Variants in EMILIN2 observed in about 807,000 individuals in gnomAD.
EMILIN2 encodes elastin microfibril interfacer 2.
EMILIN2 carries 71 observed loss-of-function variants against 87.1 expected under a neutral mutation model. The ratio of observed to expected loss-of-function variants is 0.82; its 90% CI spans 0.67 to 0.99. The LOEUF (loss-of-function observed/expected upper bound fraction) is 0.99. Among genes scored for constraint, EMILIN2 ranks in the 50% least tolerant of loss-of-function variants. The pLI is 0.00. For synonymous variants in EMILIN2, 581 were observed against 563.4 expected (o/e 1.03, Z -0.44); for missense variants, 1,407 against 1,371.8 (o/e 1.03, Z -0.40).
rs2076578950 is a variant in EMILIN2, at chr18:2,847,202, G to A, written c.14G>A (p.Arg5Lys). MWQPRRPWPRVPWRW... is the reference protein window; with the variant it reads MWQPKRPWPRVPWRW... ...GCTGCGCGCGGGATGTGGCAGCCCAGACGGCCCTGGCCCCGCGTGCCCTGG... is the reference window on the plus strand; with the variant it reads ...GCTGCGCGCGGGATGTGGCAGCCCAAACGGCCCTGGCCCCGCGTGCCCTGG... Residue 5 changes from arginine (R) to lysine (K), a missense_variant, in exon 1 of 8, where the codon AGA becomes AAA. Arg to Lys is a conservative substitution (Grantham distance 26, BLOSUM62 2). Coordinates refer to ENST00000254528, the MANE Select transcript of EMILIN2 (RefSeq NM_032048.3). The surrounding 1 kb of genome is among the most constrained non-coding windows in gnomAD (Gnocchi z 4.5). 1.7e-6 allele frequency: 2 copies of A among 1,204,502 alleles called. No individual in the cohort carries two copies. The highest frequency in any genetic ancestry group is 2.1e-6 in the Non-Finnish European group (2 of 971,962). 74.6% of individuals were successfully genotyped at this position (1,204,502 alleles called of 1,614,324 possible). A position where few individuals can be genotyped will look rare whatever the true frequency, so the allele number is the denominator to read the frequency against.
intron 2 of EMILIN2, among the ~76,000 whole-genome samples, chr18:2,881,663 G>A (rs894701107): frequency 1.3e-5 from 2 of 152,212 alleles, no homozygotes; most frequent in South Asian, 4.1e-4. Context: ...CTTCATGCAG[G>A]CCTGGGCCGT....
At chr18:2,864,874 C>A (rs2076678715) in intron 2 of EMILIN2, among the ~76,000 whole-genome samples, 1 of 152,174 alleles carries the variant, frequency 6.6e-6, no homozygotes, top group South Asian at 2.1e-4. Context: ...TAGATTTGGT[C>A]TTTTCACATA....
In EMILIN2 at chr18:2,906,910, GC is replaced by G. The variant is rs2076916220; in HGVS notation, c.2493del (p.Glu832ArgfsTer64). 7 of 1,392,992 alleles carry G rather than the reference GC, an allele frequency of 5.0e-6. No individual in the cohort carries two copies. Among genetic ancestry groups the G allele is most frequent in the African/African-American group, 3.0e-5 (2 of 66,848 alleles). The allele number at this position is 1,392,992 out of a possible 1,614,324, so 86.3% of individuals were successfully genotyped here. On this transcript the variant is annotated frameshift_variant, in exon 5 of 8. Coordinates refer to ENST00000254528, the MANE Select transcript of EMILIN2 (RefSeq NM_032048.3). LOFTEE classifies it high-confidence loss of function. ...GGCGACGGCCCGTCCTGCCCCAGCGGCCCCCCGAGGAGAGGCCGCCCCAGCC... is the reference window on the plus strand; with the variant it reads ...GGCGACGGCCCGTCCTGCCCCAGCGGCCCCCGAGGAGAGGCCGCCCCAGCC... Reference protein sequence around the residue: ...PGRRPVLPQRPPEERPPQPPG... With the variant: ...PGRRPVLPQRXPEERPPQPPG...
chr18:2,888,631 C>T (rs566206750), intron 3 of EMILIN2, among the ~76,000 whole-genome samples: 39 of 149,478 alleles, frequency 2.6e-4, no homozygotes, highest in South Asian at 1.3e-3. Flanking sequence ...AGGAGAATGG[C>T]GTGAACCCAA....
chr18:2,899,013 C>T (rs963136633), intron 4 of EMILIN2, among the ~76,000 whole-genome samples: 2 of 152,128 alleles, frequency 1.3e-5, no homozygotes, highest in East Asian at 3.9e-4. Flanking sequence ...TAGCCTTGAA[C>T]TTAGAGCTGC....
In EMILIN2 at chr18:2,885,505, G is replaced by A. The variant is rs117143773; in HGVS notation, c.433+366G>A. ...GGGCCCATACATCTGAATTTAGGGG[G>A]GTTAAAATTGTTTTTTATTTTTTAT... is the stretch of plus-strand genomic sequence containing the variant. On this transcript the variant is annotated intron_variant, in intron 3 of 7. Transcript: ENST00000254528. Among the ~76,000 whole-genome samples the A allele has an allele frequency of 8.6e-3, 1,306 of 152,158 alleles. 18 individuals carry two copies. Among genetic ancestry groups the A allele is most frequent in the Non-Finnish European group, 0.014 (955 of 67,992 alleles).
rs563400269 is a variant in EMILIN2, at chr18:2,865,995, A to G, written c.257+18064A>G. On this transcript the variant is annotated intron_variant, in intron 2 of 7. Coordinates refer to ENST00000254528, the MANE Select transcript of EMILIN2 (RefSeq NM_032048.3). Reference sequence around the variant, plus strand: ...GCAATGAGCGAGGCTTCATGGGTGTAGGACCTTCCGAGCCTGGTGCGGGAT... The same window carrying G: ...GCAATGAGCGAGGCTTCATGGGTGTGGGACCTTCCGAGCCTGGTGCGGGAT... 2.6e-5 allele frequency among the ~76,000 whole-genome samples: 4 copies of G among 152,332 alleles called. No individual in the cohort carries two copies. The East Asian group carries it at 7.7e-4, about 29-fold the overall frequency.
rs1470146698 is a variant in EMILIN2 at position 2,880,748 on chromosome 18, T to C, written c.258-4216T>C. On this transcript the variant is annotated intron_variant, in intron 2 of 7. Transcript: ENST00000254528. This position sits in a 1 kb window ranked among gnomAD's most constrained non-coding sequence, Gnocchi z 4.1. Reference sequence around the variant, plus strand: ...GCTCACAGCCCGGGGCCCCTGGGGATGCTTGGGCCGCCTGTCTCTGTTTCA... The same window carrying C: ...GCTCACAGCCCGGGGCCCCTGGGGACGCTTGGGCCGCCTGTCTCTGTTTCA... 2.0e-5 allele frequency among the ~76,000 whole-genome samples: 3 copies of C among 152,162 alleles called. No homozygotes were observed. The highest frequency in any genetic ancestry group is 4.4e-5 in the Non-Finnish European group (3 of 68,018).
In EMILIN2 at chr18:2,913,344, T is replaced by C. The variant is rs969555339; in HGVS notation, c.3102T>C (p.Phe1034=). Residue 1034 remains phenylalanine (F), a synonymous_variant, in exon 8 of 8, where the codon TTT becomes TTC. Coordinates refer to ENST00000254528, the MANE Select transcript of EMILIN2 (RefSeq NM_032048.3). ...GGGGCAAGCTGGCTCACACAGACTT[T>C]GATGAAATGTACTCCACATTTAGTG... is the stretch of plus-strand genomic sequence containing the variant. The part of the protein sequence containing the change: ...VTGGKLAHTD[F]DEMYSTFSGV... 2.5e-6 allele frequency: 4 copies of C among 1,612,470 alleles called. No homozygotes were observed. The highest frequency in any genetic ancestry group is 2.7e-5 in the African/African-American group (2 of 75,020).
At chr18:2,867,678 G>A (rs2076693706) in intron 2 of EMILIN2, among the ~76,000 whole-genome samples, 1 of 152,234 alleles carries the variant, frequency 6.6e-6, no homozygotes, top group African/African-American at 2.4e-5. Context: ...TAAGGTCACA[G>A]ATCAACAGGA....
chr18:2,889,699 T>C (rs1338781184), intron 3 of EMILIN2, among the ~76,000 whole-genome samples: 16 of 147,066 alleles, frequency 1.1e-4, no homozygotes, highest in African/African-American at 3.7e-4. Flanking sequence ...TTTCTTTTTT[T>C]TTTTTTTTTT....
chr18:2,891,871 C>CT lies in EMILIN2; in HGVS notation c.1748dup (p.Leu583PhefsTer27), dbSNP rs747945255. The CT allele has an allele frequency of 1.5e-5, 24 of 1,614,240 alleles. No individual in the cohort carries two copies. The highest frequency in any genetic ancestry group is 2.0e-5 in the Non-Finnish European group (24 of 1,180,048). Reference sequence around the variant, plus strand: ...CCGCGCAGTACGCGACAGCCTGCACCTTTTGAAATCTCTCAACGACACGAT... The same window carrying CT: ...CCGCGCAGTACGCGACAGCCTGCACCTTTTTGAAATCTCTCAACGACACGAT... On this transcript the variant is annotated frameshift_variant, in exon 4 of 8. Transcript: ENST00000254528. LOFTEE classifies it high-confidence loss of function. The surrounding 1 kb of genome is among the most constrained non-coding windows in gnomAD (Gnocchi z 4.6).
chr18:2,901,221 G>A (rs993988548), intron 4 of EMILIN2, among the ~76,000 whole-genome samples: 1 of 152,196 alleles, frequency 6.6e-6, no homozygotes, highest in African/African-American at 2.4e-5. Context: ...TCTTCTCTGT[G>A]ACAAGACACC....
chr18:2,890,604 C>T lies in EMILIN2; in HGVS notation c.477C>T (p.Ser159=), dbSNP rs1205089570. 1 of 1,597,666 alleles carries T rather than the reference C, an allele frequency of 6.3e-7. No homozygotes were observed. ...SQFSEPRKTL[S]PTGTAQPSWG... ...TCTCAGAGCCCAGGAAGACTTTGTC[C>T]CCAACTGGTACAGCACAACCAAGCT... The change falls in exon 4 of 8, where the codon TCC becomes TCT. Residue 159 remains serine, a synonymous_variant. Coordinates refer to ENST00000254528, the MANE Select transcript of EMILIN2 (RefSeq NM_032048.3). This position sits in a 1 kb window ranked among gnomAD's most constrained non-coding sequence, Gnocchi z 4.7.
chr18:2,871,603 G>A (rs978055609), intron 2 of EMILIN2, among the ~76,000 whole-genome samples: 1 of 152,222 alleles, frequency 6.6e-6, no homozygotes, highest in Admixed American at 6.5e-5. Context: ...TGGAGATTTG[G>A]CACTGAGCGG....
intron 2 of EMILIN2, among the ~76,000 whole-genome samples, chr18:2,859,925 C>T (rs1370511162): frequency 6.6e-6 from 1 of 152,164 alleles, no homozygotes; most frequent in Non-Finnish European, 1.5e-5. Context: ...TTCCATTGGT[C>T]TATGTGCCTA....
upstream of EMILIN2, chr18:2,846,715 C>CT (rs2076575385): frequency 1.0e-5 from 10 of 983,374 alleles, no homozygotes; most frequent in African/African-American, 1.6e-4. This position sits in a 1 kb window ranked among gnomAD's most constrained non-coding sequence, Gnocchi z 5.3. Flanking sequence ...CGGCCGCGTC[C>CT]CGGGGGGCCG....
Position 2,892,060 on chromosome 18 carries a change from A to G in EMILIN2, c.1933A>G (p.Lys645Glu). 1.2e-6 allele frequency: 2 copies of G among 1,614,234 alleles called. No individual in the cohort carries two copies. The highest frequency in any genetic ancestry group is 8.5e-7 in the Non-Finnish European group (1 of 1,180,042). ...AAACGCTGGCATGGGTAGGTTCACT[A>G]AGGTGGGTGAGCAAGAAAGGACAGT... ...GENAGMGRFTKVGEQERTVDT... is the reference protein window; with the variant it reads ...GENAGMGRFTEVGEQERTVDT... Residue 645 changes from lysine (K) to glutamate (E), a missense_variant, in exon 4 of 8, where the codon AAG becomes GAG. Lys to Glu is a moderately conservative substitution (Grantham distance 56). Coordinates refer to ENST00000254528, the MANE Select transcript of EMILIN2 (RefSeq NM_032048.3).
In EMILIN2 at chr18:2,880,322, C is replaced by G. The variant is rs116723039; in HGVS notation, c.258-4642C>G. Among the ~76,000 whole-genome samples the G allele has an allele frequency of 5.9e-5, 9 of 152,118 alleles. No individual in the cohort carries two copies. The highest frequency in any genetic ancestry group is 5.9e-4 in the Admixed American group (9 of 15,280). On this transcript the variant is annotated intron_variant, in intron 2 of 7. Transcript: ENST00000254528. This position sits in a 1 kb window ranked among gnomAD's most constrained non-coding sequence, Gnocchi z 4.1. ...TCTCATTAGAATCTCCTGGGCCAGT[C>G]TAGTGTCTTGACACGGTTGCTGAAC...
Sources: gnomAD v4.1 joint callset for allele counts (sites outside exome capture counted in the v4.1 genomes callset) on GRCh38, gnomAD v4.1.1 for gene constraint, Gnocchi (gnomAD v3.1) non-coding constraint, MANE v1.5 for transcripts, NCBI Gene and HGNC (gene_info 2026-07-23, HGNC 2026-07-21) for gene names.